Variants in MTMR8 observed in about 807,000 individuals in gnomAD.
The protein encoded by MTMR8 is phosphatidylinositol-3,5-bisphosphate 3-phosphatase MTMR8.
In MTMR8, 65 loss-of-function variants were observed where a neutral mutation model predicts 39.3. The ratio of observed to expected loss-of-function variants is 1.65; its 90% CI spans 1.35 to 2.03. The LOEUF (loss-of-function observed/expected upper bound fraction) is 2.03. Among genes scored for constraint, MTMR8 ranks in the 30% most tolerant of loss-of-function variants. The pLI is 0.00. For synonymous variants in MTMR8, 245 were observed against 185.2 expected, an observed-to-expected ratio of 1.32 and a Z score of -2.62; for missense variants, 777 against 538.9, an observed-to-expected ratio of 1.44 and a Z score of -4.37.
chrX:64,308,649 T>C (rs746019184), intron 12 of MTMR8, among the ~76,000 whole-genome samples: 5 of 111,638 alleles, frequency 4.5e-5, no homozygotes, highest in African/African-American at 1.3e-4. Flanking sequence ...AAACTATTTC[T>C]ACATAACGAT....
intron 12 of MTMR8, among the ~76,000 whole-genome samples, chrX:64,275,465 G>A (rs994860471): frequency 1.8e-5 from 2 of 109,323 alleles, no homozygotes; most frequent in African/African-American, 3.3e-5. Flanking sequence ...GGAGGCCAAG[G>A]CAGGAGAACT....
rs760765335 is a variant in MTMR8 at position 64,389,908 on chromosome X, A to T, written c.24+5432T>A. The stretch of plus-strand genomic sequence containing the variant: ...CAGCTTTGTCCATGCTTTTTCCATT[A>T]TATCACACTATTTCCTAGACTGGAA... On this transcript the variant is annotated intron_variant, in intron 1 of 13. Coordinates refer to ENST00000374852, the MANE Select transcript of MTMR8 (RefSeq NM_017677.4). Among the ~76,000 whole-genome samples, 3 of 111,909 alleles carry T rather than the reference A, an allele frequency of 2.7e-5. No individual in the cohort carries two copies. The South Asian group carries it at 1.1e-3, about 42-fold the overall frequency.
At chrX:64,346,078 G>A (rs1008196419) in intron 6 of MTMR8, among the ~76,000 whole-genome samples, 1 of 111,756 alleles carries the variant, frequency 8.9e-6, no homozygotes, top group Non-Finnish European at 1.9e-5. Flanking sequence ...GAAGAATGCT[G>A]GGTGGGGTAG....
intron 1 of MTMR8, among the ~76,000 whole-genome samples, chrX:64,375,814 G>C (rs1254816734): frequency 8.9e-6 from 1 of 111,798 alleles, no homozygotes; most frequent in Non-Finnish European, 1.9e-5. Flanking sequence ...TGAGCGATAT[G>C]GTTTGGCTCT....
intron 1 of MTMR8, among the ~76,000 whole-genome samples, chrX:64,379,313 A>G (rs1924350378): frequency 1.8e-5 from 2 of 112,066 alleles, no homozygotes; most frequent in Admixed American, 9.5e-5. Flanking sequence ...AAACCAGAAA[A>G]TACATTACTA....
chrX:64,275,706 A>G (rs1931859363), intron 12 of MTMR8, among the ~76,000 whole-genome samples: 1 of 109,888 alleles, frequency 9.1e-6, no homozygotes, highest in African/African-American at 3.3e-5. Context: ...GGAAAAAAAT[A>G]TTTCCAAAAC....
intron 1 of MTMR8, among the ~76,000 whole-genome samples, chrX:64,375,782 G>C (rs1056859866): frequency 9.0e-6 from 1 of 111,681 alleles, no homozygotes; most frequent in African/African-American, 3.3e-5. Flanking sequence ...AGAACTGTGA[G>C]CAATAAATTC....
intron 12 of MTMR8, among the ~76,000 whole-genome samples, chrX:64,319,954 G>A (rs1212272244): frequency 9.0e-6 from 1 of 111,459 alleles, no homozygotes; most frequent in Non-Finnish European, 1.9e-5. Context: ...CTTATTGGTA[G>A]CTTGATGGGG....
chrX:64,315,082 C>A (rs1056074739), intron 12 of MTMR8, among the ~76,000 whole-genome samples: 1 of 111,858 alleles, frequency 8.9e-6, no homozygotes, highest in African/African-American at 3.2e-5. Context: ...CCTGGCTCTG[C>A]TCCAATACAG....
Position 64,343,729 on chromosome X carries a change from G to A in MTMR8, c.866-9C>T. 2 of 1,121,123 alleles carry A rather than the reference G, an allele frequency of 1.8e-6. No homozygotes were observed. The highest frequency in any genetic ancestry group is 1.2e-6 in the Non-Finnish European group (1 of 817,751). The allele number at this position is 1,121,123 out of a possible 1,213,427, so 92.4% of individuals were successfully genotyped here. A position where few individuals can be genotyped will look rare whatever the true frequency, so the allele number is the denominator to read the frequency against. On this transcript the variant is annotated splice_polypyrimidine_tract_variant and intron_variant, in intron 7 of 13. Transcript: ENST00000374852. Reference sequence around the variant, plus strand: ...AGTTTTCAATTCACAAACTAAGGTAGAAAAGGAAGCAGAGATTGAAATTCA... The same window carrying A: ...AGTTTTCAATTCACAAACTAAGGTAAAAAAGGAAGCAGAGATTGAAATTCA...
intron 11 of MTMR8, among the ~76,000 whole-genome samples, chrX:64,330,232 G>A (rs1366711236): frequency 8.9e-6 from 1 of 112,139 alleles, no homozygotes; most frequent in Non-Finnish European, 1.9e-5. Context: ...AAAAGATTCT[G>A]TGTTTTAACG....
At chrX:64,307,950 G>C (rs898849209) in intron 12 of MTMR8, among the ~76,000 whole-genome samples, 1 of 111,744 alleles carries the variant, frequency 8.9e-6, no homozygotes, top group African/African-American at 3.2e-5. Context: ...GAATGATTAT[G>C]AATGATATAT....
Position 64,309,037 on chromosome X carries a change from G to A in MTMR8, c.1481+19735C>T, listed in dbSNP as rs1922215493. Among the ~76,000 whole-genome samples the A allele has an allele frequency of 3.6e-5, 4 of 111,916 alleles. No individual in the cohort carries two copies. In the South Asian group the frequency reaches 1.5e-3, roughly 41 times the overall value. ...GCTTTGCAGTAAGTGTTAAAGTCAG[G>A]TAGTTTCAGTTCTCCAACTTTGTTA... On this transcript the variant is annotated intron_variant, in intron 12 of 13. Transcript: ENST00000374852.
At chrX:64,296,731 TC>T (rs1921606330) in intron 12 of MTMR8, among the ~76,000 whole-genome samples, 1 of 61,143 alleles carries the variant, frequency 1.6e-5, no homozygotes, top group Non-Finnish European at 3.1e-5. Context: ...CCCTTCCCCC[TC>T]CCCCGCCCCC....
chrX:64,275,442 T>C (rs1439055063), intron 12 of MTMR8, among the ~76,000 whole-genome samples: 1 of 109,542 alleles, frequency 9.1e-6, no homozygotes, highest in Admixed American at 9.8e-5. Flanking sequence ...ACGTCTATAA[T>C]CCCAGCACCT....
At chrX:64,385,667 G>A (rs1924538060) in intron 1 of MTMR8, among the ~76,000 whole-genome samples, 1 of 111,260 alleles carries the variant, frequency 9.0e-6, no homozygotes, top group Non-Finnish European at 1.9e-5. Context: ...ACATGGCAGA[G>A]CAAGAGCAAG....
chrX:64,363,850 C>T (rs962122510), intron 1 of MTMR8, among the ~76,000 whole-genome samples: 8 of 111,626 alleles, frequency 7.2e-5, no homozygotes, highest in Non-Finnish European at 1.1e-4. Context: ...GAAGACGTGA[C>T]GGACTGTACC....
intron 12 of MTMR8, among the ~76,000 whole-genome samples, chrX:64,326,857 A>T (rs1172788597): frequency 9.0e-6 from 1 of 110,847 alleles, no homozygotes; most frequent in African/African-American, 3.3e-5. Flanking sequence ...AAAAATAGAC[A>T]CACAGACCAA....
intron 12 of MTMR8, among the ~76,000 whole-genome samples, chrX:64,303,155 G>A (rs766465294): frequency 9.0e-6 from 1 of 111,483 alleles, no homozygotes; most frequent in African/African-American, 3.2e-5. Flanking sequence ...ACAGCACTTT[G>A]TATTGTAACC....
Sources: allele counts gnomAD v4.1 joint callset (sites outside exome capture counted in the v4.1 genomes callset), GRCh38; gene constraint gnomAD v4.1.1; transcripts MANE v1.5; gene names NCBI Gene and HGNC (gene_info 2026-07-23, HGNC 2026-07-21).